Variants in CYP2J2 observed in about 807,000 individuals in gnomAD.
The protein encoded by CYP2J2 is cytochrome P450 family 2 subfamily J member 2.
A neutral mutation model predicts 48.8 loss-of-function variants in CYP2J2; 41 were observed. The observed-to-expected ratio is 0.84, with a 90% CI of 0.66 to 1.09. The LOEUF is 1.09. Ranked by LOEUF, CYP2J2 falls within the 50% of genes least tolerant of loss-of-function variation. The pLI, the probability that CYP2J2 is intolerant of heterozygous loss-of-function variation, is 0.00. For missense variants in CYP2J2, 644 were observed against 617.3 expected (o/e 1.04, Z -0.46); for synonymous variants, 221 against 227.1 (o/e 0.97, Z 0.24).
chr1:59,937,140 T>A, the CYP2J2 span, among the ~76,000 whole-genome samples: 1 of 152,208 alleles, frequency 6.6e-6, no homozygotes, highest in African/African-American at 2.4e-5. Context: ...TTGCTTTCCA[T>A]CTTGTTACCT....
the CYP2J2 span, among the ~76,000 whole-genome samples, chr1:59,958,750 C>T: frequency 6.6e-6 from 1 of 152,300 alleles, no homozygotes; most frequent in East Asian, 1.9e-4. Flanking sequence ...AGGTCCTTAA[C>T]CTCCTTACCG....
At chr1:59,922,920 T>C (rs1268904350) in intron 1 of CYP2J2, among the ~76,000 whole-genome samples, 2 of 152,202 alleles carry the variant, frequency 1.3e-5, no homozygotes, top group Non-Finnish European at 2.9e-5. Flanking sequence ...ACCTTGTCTT[T>C]CAGCCTACTT....
chr1:59,964,876 G>A, the CYP2J2 span, among the ~76,000 whole-genome samples: 1 of 152,146 alleles, frequency 6.6e-6, no homozygotes, highest in Non-Finnish European at 1.5e-5. Flanking sequence ...CACACTATGT[G>A]GAGAAATTTA....
the CYP2J2 span, among the ~76,000 whole-genome samples, chr1:59,942,090 G>A: frequency 6.6e-6 from 1 of 151,922 alleles, no homozygotes; most frequent in African/African-American, 2.4e-5. Flanking sequence ...TTTGTATTTT[G>A]TACCACATTT....
the CYP2J2 span, among the ~76,000 whole-genome samples, chr1:59,931,934 C>T: frequency 3.3e-3 from 509 of 152,138 alleles, 1 homozygote; most frequent in African/African-American, 0.012. Flanking sequence ...CATCTTCTTC[C>T]ACAACATAGA....
chr1:59,957,347 G>C, the CYP2J2 span, among the ~76,000 whole-genome samples: 1 of 151,916 alleles, frequency 6.6e-6, no homozygotes, highest in Non-Finnish European at 1.5e-5. Context: ...AGGAAGGTGG[G>C]GGTGGGGCAT....
the CYP2J2 span, among the ~76,000 whole-genome samples, chr1:59,932,771 G>A: frequency 4.0e-5 from 6 of 151,744 alleles, no homozygotes; most frequent in East Asian, 7.7e-4. Context: ...TGCAATCATG[G>A]CTCACTGCAG....
chr1:59,893,820 G>A lies in CYP2J2; in HGVS notation c.1340C>T (p.Ala447Val), dbSNP rs376434807. ...CCTGGCCAACTGTTCTCCGAGGCAT[G>A]CCCGCTTTCCTGTAAGACAAAATCA... is the stretch of plus-strand genomic sequence containing the variant. ...AFMPFSIGKRACLGEQLARTE... is the reference protein window; with the variant it reads ...AFMPFSIGKRVCLGEQLARTE... Residue 447 changes from alanine to valine, a missense_variant, in exon 9 of 9, where the codon GCA (alanine) becomes GTA (valine). Coordinates refer to ENST00000371204, the MANE Select transcript of CYP2J2 (RefSeq NM_000775.4). The A allele has an allele frequency of 1.1e-5, 17 of 1,602,422 alleles. No homozygotes were observed. Among genetic ancestry groups the A allele is most frequent in the African/African-American group, 2.7e-5 (2 of 74,578 alleles).
the CYP2J2 span, among the ~76,000 whole-genome samples, chr1:59,942,114 T>C: frequency 8.7e-4 from 132 of 152,342 alleles, no homozygotes; most frequent in African/African-American, 3.1e-3. Flanking sequence ...GTGAAACTTA[T>C]GTTCTGGCTG....
At chr1:59,933,583 G>A in the CYP2J2 span, among the ~76,000 whole-genome samples, 5 of 152,018 alleles carry the variant, frequency 3.3e-5, no homozygotes, top group African/African-American at 1.2e-4. Context: ...TTGGGGGGTG[G>A]TGTGTGGAAT....
rs142713068 is a variant in CYP2J2 at position 59,904,995 on chromosome 1, C to A, written c.1067G>T (p.Arg356Leu). Reference sequence around the variant, plus strand: ...AGCATTGGTGTAGGGCATGGACTCCCGGGCGGCTGTGCTCGGCTGCTGCCC... The same window carrying A: ...AGCATTGGTGTAGGGCATGGACTCCAGGGCGGCTGTGCTCGGCTGCTGCCC... The part of the protein sequence containing the change: ...GQGQQPSTAA[R>L]ESMPYTNAVI... Residue 356 changes from arginine (R) to leucine (L), a missense_variant, in exon 7 of 9, where the codon CGG (arginine) becomes CTG (leucine). Physicochemically the swap from Arg to Leu is moderately radical, Grantham distance 102. Transcript: ENST00000371204. 9.3e-6 allele frequency: 15 copies of A among 1,613,832 alleles called. No individual in the cohort carries two copies. Among genetic ancestry groups the A allele is most frequent in the African/African-American group, 1.3e-5 (1 of 74,888 alleles).
chr1:59,968,977 G>A, the CYP2J2 span, among the ~76,000 whole-genome samples: 6 of 152,168 alleles, frequency 3.9e-5, no homozygotes, highest in African/African-American at 1.4e-4. Context: ...TGGCTCAGGA[G>A]TGAAGCTGCA....
At chr1:59,907,442 A>G (rs761930523) in intron 6 of CYP2J2, among the ~76,000 whole-genome samples, 3 of 152,110 alleles carry the variant, frequency 2.0e-5, no homozygotes, top group Non-Finnish European at 2.9e-5. Flanking sequence ...TTCTGGAGGA[A>G]ATTGGAAGGC....
chr1:59,923,875 T>A (rs2102140676), intron 1 of CYP2J2, among the ~76,000 whole-genome samples: 1 of 152,270 alleles, frequency 6.6e-6, no homozygotes, highest in African/African-American at 2.4e-5. Context: ...AAAAAGAATG[T>A]GTAGTTGAAA....
chr1:59,938,735 C>T, the CYP2J2 span, among the ~76,000 whole-genome samples: 4 of 152,260 alleles, frequency 2.6e-5, no homozygotes, highest in South Asian at 2.1e-4. Flanking sequence ...AGACCATTCA[C>T]GGGTGTCAGG....
At chr1:59,928,091 A>G (rs1644583963), upstream of CYP2J2, among the ~76,000 whole-genome samples, 1 of 152,166 alleles carries the variant, frequency 6.6e-6, no homozygotes, top group South Asian at 2.1e-4. Context: ...GCTCTAATTC[A>G]CTTAATTTAA....
chr1:59,964,882 A>G, the CYP2J2 span, among the ~76,000 whole-genome samples: 1 of 152,200 alleles, frequency 6.6e-6, no homozygotes, highest in Non-Finnish European at 1.5e-5. Flanking sequence ...ATGTGGAGAA[A>G]TTTATATTGG....
upstream of CYP2J2, among the ~76,000 whole-genome samples, chr1:59,929,144 T>C (rs776900690): frequency 6.6e-6 from 1 of 152,226 alleles, no homozygotes; most frequent in African/African-American, 2.4e-5. Context: ...TGTCGTTGTA[T>C]TGTGACTGTG....
intron 2 of CYP2J2, chr1:59,912,521 G>T: frequency 1.9e-6 from 1 of 533,322 alleles, no homozygotes; most frequent in Non-Finnish European, 3.3e-6. Context: ...GCATTTTGTT[G>T]TGCATTATAT....
Sources: gnomAD v4.1 joint callset for allele counts (sites outside exome capture counted in the v4.1 genomes callset) on GRCh38, gnomAD v4.1.1 for gene constraint, MANE v1.5 for transcripts, NCBI Gene and HGNC (gene_info 2026-07-23, HGNC 2026-07-21) for gene names.